The following BTG4 variants were observed in gnomAD, a reference collection of about 807,000 sequenced individuals.
BTG4 encodes protein BTG4.
A neutral mutation model predicts 19.3 loss-of-function variants in BTG4; 10 were observed. The observed-to-expected ratio is 0.52, with a 90% confidence interval of 0.32 to 0.88. The LOEUF is 0.88. Ranked by LOEUF, BTG4 falls within the 40% of genes least tolerant of loss-of-function variation. The pLI, the probability that BTG4 is intolerant of heterozygous loss-of-function variation, is 0.04. For synonymous variants in BTG4, 91 were observed against 95.7 expected (o/e 0.95, Z 0.29); for missense variants, 238 against 281.9 (o/e 0.84, Z 1.11).
At chr11:111,422,073 A>C in the BTG4 span, among the ~76,000 whole-genome samples, 2 of 152,342 alleles carry the variant, frequency 1.3e-5, no homozygotes, top group African/African-American at 4.8e-5. Context: ...CTATGCACCA[A>C]GAGAGAATCT....
chr11:111,498,768 A>C lies in BTG4; in HGVS notation c.9T>G (p.Asp3Glu). 1 of 1,609,682 alleles carries C rather than the reference A, an allele frequency of 6.2e-7. No homozygotes were observed. Among genetic ancestry groups the C allele is most frequent in the South Asian group, 1.1e-5 (1 of 90,100 alleles). The change falls in exon 2 of 5, where the codon GAT (aspartate) becomes GAG (glutamate). Residue 3 changes from aspartate (D) to glutamate (E), a missense_variant. By Grantham distance (45) the Asp-to-Glu change is conservative. Transcript: ENST00000692032. ...CAAAGAAAACTGTTGTTGCAATTTC[A>C]TCTCTCATGATTCAAGAAAAATAGA... MR[D>E]EIATTVFFVT...
At chr11:111,464,443 G>T (rs1252474823), downstream of BTG4, 1 of 152,238 alleles carries the variant, frequency 6.6e-6, no homozygotes, top group Admixed American at 6.5e-5. Flanking sequence ...GGGTCACTGG[G>T]GCCATCTTAG....
chr11:111,464,771 C>T (rs951598176), downstream of BTG4: 5 of 152,214 alleles, frequency 3.3e-5, no homozygotes, highest in Admixed American at 2.0e-4. Flanking sequence ...ATGTTAGAAT[C>T]CTGCCTTGCC....
the BTG4 span, among the ~76,000 whole-genome samples, chr11:111,435,447 AGAGAT>A: frequency 1.3e-5 from 2 of 152,232 alleles, no homozygotes; most frequent in Non-Finnish European, 2.9e-5. Context: ...GCAGCTCCCC[AGAGAT>A]GACACTTGAG....
At chr11:111,434,622 T>C in the BTG4 span, among the ~76,000 whole-genome samples, 1 of 151,104 alleles carries the variant, frequency 6.6e-6, no homozygotes, top group African/African-American at 2.4e-5. Flanking sequence ...GTTGGTGTGA[T>C]AAATAAGTGA....
chr11:111,499,971 G>A (rs1187961577), intron 1 of BTG4, among the ~76,000 whole-genome samples: 2 of 151,818 alleles, frequency 1.3e-5, no homozygotes, highest in African/African-American at 4.8e-5. Flanking sequence ...GTGAAACCCC[G>A]TCTCTACTAA....
At chr11:111,423,309 G>C in the BTG4 span, among the ~76,000 whole-genome samples, 1 of 152,150 alleles carries the variant, frequency 6.6e-6, no homozygotes, top group Non-Finnish European at 1.5e-5. Context: ...CCAATCCACT[G>C]CTCCCAAATA....
chr11:111,448,509 G>T, the BTG4 span: 1 of 153,196 alleles, frequency 6.5e-6, no homozygotes, highest in Non-Finnish European at 1.5e-5. Context: ...CCTGTCCGGA[G>T]CAGGACCCCA....
the BTG4 span, among the ~76,000 whole-genome samples, chr11:111,410,758 T>A: frequency 0.011 from 1,664 of 152,330 alleles, 20 homozygotes; most frequent in African/African-American, 0.036. Flanking sequence ...TGTCTACTGA[T>A]TTTCCAGTAA....
At chr11:111,438,619 C>G in the BTG4 span, among the ~76,000 whole-genome samples, 1 of 152,178 alleles carries the variant, frequency 6.6e-6, no homozygotes. Flanking sequence ...CCCACCACCG[C>G]CAGCACCTAG....
the BTG4 span, among the ~76,000 whole-genome samples, chr11:111,427,560 T>C: frequency 6.6e-6 from 1 of 152,206 alleles, no homozygotes; most frequent in Non-Finnish European, 1.5e-5. Flanking sequence ...TCAGGCTTCA[T>C]GGGGCTGGCA....
At chr11:111,437,702 C>A in the BTG4 span, among the ~76,000 whole-genome samples, 6 of 152,138 alleles carry the variant, frequency 3.9e-5, no homozygotes, top group African/African-American at 1.2e-4. Flanking sequence ...CCCACCACTA[C>A]CCAGCAGCTC....
chr11:111,417,818 A>G, the BTG4 span: 1 of 152,270 alleles, frequency 6.6e-6, no homozygotes, highest in South Asian at 2.1e-4. Flanking sequence ...GTCTTGAATC[A>G]CTGCTGCATT....
the BTG4 span, among the ~76,000 whole-genome samples, chr11:111,394,340 G>C: frequency 6.6e-6 from 1 of 152,162 alleles, no homozygotes; most frequent in African/African-American, 2.4e-5. Flanking sequence ...GTTGTGGGAG[G>C]GACCCCATGG....
the BTG4 span, among the ~76,000 whole-genome samples, chr11:111,410,931 T>C: frequency 8.9e-4 from 136 of 152,254 alleles, 1 homozygote; most frequent in African/African-American, 3.1e-3. Flanking sequence ...TGTCAGAAAA[T>C]CCTATTAATT....
chr11:111,433,029 G>A, the BTG4 span, among the ~76,000 whole-genome samples: 1 of 152,116 alleles, frequency 6.6e-6, no homozygotes, highest in East Asian at 1.9e-4. Flanking sequence ...AGTAGTTGTA[G>A]AAGCCCTTGT....
At chr11:111,462,461 C>G in the BTG4 span, 1 of 152,428 alleles carries the variant, frequency 6.6e-6, no homozygotes, top group Non-Finnish European at 1.5e-5. Context: ...AGGCTCAGAT[C>G]CCCACAGCAG....
At chr11:111,398,174 G>A in the BTG4 span, 1 of 152,224 alleles carries the variant, frequency 6.6e-6, no homozygotes, top group Non-Finnish European at 1.5e-5. Flanking sequence ...CAACACTGCT[G>A]ATCATCTGCA....
chr11:111,451,857 A>G, the BTG4 span, among the ~76,000 whole-genome samples: 177 of 152,314 alleles, frequency 1.2e-3, 4 homozygotes, highest in East Asian at 0.031. Flanking sequence ...GGGTCCCACA[A>G]TGCTAACAGA....
Sources: allele counts gnomAD v4.1 joint callset (sites outside exome capture counted in the v4.1 genomes callset), GRCh38; gene constraint gnomAD v4.1.1; transcripts MANE v1.5; gene names NCBI Gene and HGNC (gene_info 2026-07-23, HGNC 2026-07-21).